Variants in NSUN7 observed in about 807,000 individuals in gnomAD.
The protein encoded by NSUN7 is protein NSUN7.
A neutral mutation model predicts 58.5 loss-of-function variants in NSUN7; 39 were observed. The ratio of observed to expected loss-of-function variants is 0.67; its 90% CI spans 0.52 to 0.87. The LOEUF is 0.87. NSUN7 is among the 40% of genes least tolerant of loss of function. NSUN7 has a pLI of 0.00. For missense variants in NSUN7, 765 were observed against 844.1 expected (o/e 0.91, Z 1.16); for synonymous variants, 278 against 303.7 (o/e 0.92, Z 0.88).
chr4:40,787,734 G>A (rs1229008734), intron 7 of NSUN7, among the ~76,000 whole-genome samples: 1 of 152,180 alleles, frequency 6.6e-6, no homozygotes, highest in African/African-American at 2.4e-5. Context: ...ACAGAATTCT[G>A]CAAATAATTT....
At chr4:40,776,811 T>C (rs531646260) in intron 7 of NSUN7, among the ~76,000 whole-genome samples, 1 of 152,296 alleles carries the variant, frequency 6.6e-6, no homozygotes, top group East Asian at 1.9e-4. Flanking sequence ...AGCCAAGGTT[T>C]TGCAGTGTTG....
chr4:40,808,326 T>C lies in NSUN7; in HGVS notation c.1544T>C (p.Val515Ala). 6.2e-7 allele frequency: 1 copy of C among 1,613,058 alleles called. No homozygotes were observed. The highest frequency in any genetic ancestry group is 8.5e-7 in the Non-Finnish European group (1 of 1,179,330). The change falls in exon 12 of 12, where the codon GTG becomes GCG. Residue 515 changes from valine (V) to alanine (A), a missense_variant. By Grantham distance (64) the Val-to-Ala change is moderately conservative (BLOSUM62 0). Transcript: ENST00000381782. ...LTRERDPSET[V>A]SVNDVLARAA... is the part of the protein sequence containing the mutation. ...TTGCAGCGGGACCCTTCTGAGACAGTGTCTGTGAATGATGTTTTGGCCCGA... is the reference window on the plus strand; with the variant it reads ...TTGCAGCGGGACCCTTCTGAGACAGCGTCTGTGAATGATGTTTTGGCCCGA...
intron 2 of NSUN7, among the ~76,000 whole-genome samples, chr4:40,757,902 T>TTTTGTTTGTTTG (rs71198603): frequency 0.14 from 21,351 of 148,498 alleles, 1,743 homozygotes; most frequent in Non-Finnish European, 0.19. Flanking sequence ...CTATTCCTGT[T>TTTTGTTTGTTTG]TTTGTTTGTT....
chr4:40,785,641 G>T lies in NSUN7; in HGVS notation c.1037-4961G>T, dbSNP rs373117501. On this transcript the variant is annotated intron_variant, in intron 7 of 11. Transcript: ENST00000381782. ...CTCCCAAAGTGCTGGGATTACAGGC[G>T]TGAGCCACCATGCCCAGCCACACTT... Among the ~76,000 whole-genome samples, 423 of 151,412 alleles carry T rather than the reference G, an allele frequency of 2.8e-3. 3 individuals are homozygous for T. Among genetic ancestry groups the T allele is most frequent in the African/African-American group, 9.6e-3 (395 of 41,174 alleles).
chr4:40,787,804 A>G (rs1742900042), intron 7 of NSUN7, among the ~76,000 whole-genome samples: 1 of 152,186 alleles, frequency 6.6e-6, no homozygotes, highest in African/African-American at 2.4e-5. Flanking sequence ...AGTTCATTTT[A>G]TAATGTCGAT....
At chr4:40,802,518 A>C (rs1434908947) in intron 10 of NSUN7, among the ~76,000 whole-genome samples, 2 of 152,140 alleles carry the variant, frequency 1.3e-5, no homozygotes, top group African/African-American at 4.8e-5. Context: ...GTCTGGAGGG[A>C]CACTTGGAGA....
chr4:40,775,990 A>G lies in NSUN7; in HGVS notation c.826-59A>G. Reference sequence around the variant, plus strand: ...CTTTCTTTTATGTAAAGCAAATAGAAGTCAGCTTATATTTCTAGCCATACC... The same window carrying G: ...CTTTCTTTTATGTAAAGCAAATAGAGGTCAGCTTATATTTCTAGCCATACC... On this transcript the variant is annotated intron_variant, in intron 6 of 11. Coordinates refer to ENST00000381782, the MANE Select transcript of NSUN7 (RefSeq NM_024677.6). The surrounding 1 kb of genome is among the most constrained non-coding windows in gnomAD (Gnocchi z 4.3). The G allele has an allele frequency of 1.8e-6, 2 of 1,081,926 alleles. No individual in the cohort carries two copies. The highest frequency in any genetic ancestry group is 2.7e-6 in the Non-Finnish European group (2 of 750,434). The allele number at this position is 1,081,926 out of a possible 1,614,324, so 67.0% of individuals were successfully genotyped here.
chr4:40,761,307 C>T lies in NSUN7; in HGVS notation c.488+6C>T, dbSNP rs369186461. The T allele has an allele frequency of 1.5e-4, 245 of 1,597,114 alleles. 2 individuals are homozygous for T. Among genetic ancestry groups the T allele is most frequent in the South Asian group, 1.3e-3 (112 of 88,430 alleles). ...GTAGAGAACCTTCTTAACAGGTAAT[C>T]GTAAAAGTGAAAAGAATGTTTTATA... On this transcript the variant is annotated splice_donor_region_variant and intron_variant, in intron 4 of 11. Transcript: ENST00000381782.
At chr4:40,754,182 C>T (rs1340020588) in intron 2 of NSUN7, among the ~76,000 whole-genome samples, 1 of 145,780 alleles carries the variant, frequency 6.9e-6, no homozygotes, top group African/African-American at 2.6e-5. Context: ...CTTGCTCTGT[C>T]ACCCACGCTG....
At chr4:40,769,899 AT>A (rs1339685111) in intron 4 of NSUN7, among the ~76,000 whole-genome samples, 1 of 152,216 alleles carries the variant, frequency 6.6e-6, no homozygotes, top group Non-Finnish European at 1.5e-5. Flanking sequence ...ATTGAAGATT[AT>A]CTTTTGGCAT....
At position 40,810,578 on chromosome 4, in the gene NSUN7, A is replaced by T. The variant is rs1305742980; in HGVS notation, c.*1639A>T. On this transcript the variant is annotated 3_prime_UTR_variant, in exon 12 of 12. Coordinates refer to ENST00000381782, the MANE Select transcript of NSUN7 (RefSeq NM_024677.6). ...GGGAAGCAGAGTGAGACCTTGCCTCAAAAAAAAAAAAAAAAAAAAAAAAGT... is the reference window on the plus strand; with the variant it reads ...GGGAAGCAGAGTGAGACCTTGCCTCTAAAAAAAAAAAAAAAAAAAAAAAGT... The T allele has an allele frequency of 3.6e-5, 1 of 27,960 alleles. No homozygotes were observed. The highest frequency in any genetic ancestry group is 3.1e-4 in the East Asian group (1 of 3,270). The allele number at this position is 27,960 out of a possible 1,614,324, so 1.7% of individuals were successfully genotyped here.
intron 2 of NSUN7, among the ~76,000 whole-genome samples, chr4:40,755,992 G>A (rs534885932): frequency 1.3e-5 from 2 of 152,208 alleles, no homozygotes; most frequent in African/African-American, 4.8e-5. Context: ...GGTCAGTTTT[G>A]TAGACAAGGT....
At chr4:40,807,297 C>T (rs1743846604) in intron 11 of NSUN7, 113 bp downstream of exon 11, 1 of 950,028 alleles carries the variant, frequency 1.1e-6, no homozygotes, top group Non-Finnish European at 1.5e-6. Flanking sequence ...TTGCATTTCA[C>T]AAACACATTT....
At chr4:40,770,236 G>T (rs1004397174) in intron 4 of NSUN7, among the ~76,000 whole-genome samples, 1 of 149,034 alleles carries the variant, frequency 6.7e-6, no homozygotes, top group Admixed American at 6.7e-5. Flanking sequence ...AAAAGAAATT[G>T]CAATCAAGTG....
Position 40,794,483 on chromosome 4 carries a change from T to C in NSUN7, c.1282+7T>C, listed in dbSNP as rs1577579457. On this transcript the variant is annotated splice_region_variant and intron_variant, in intron 9 of 11. Coordinates refer to ENST00000381782, the MANE Select transcript of NSUN7 (RefSeq NM_024677.6). ...CTAACACATGCAATGAAATGTAAGG[T>C]TGTCATAGGCACCATCTTGTTAAAA... 6.5e-7 allele frequency: 1 copy of C among 1,532,594 alleles called. No homozygotes were observed. Among genetic ancestry groups the C allele is most frequent in the East Asian group, 2.3e-5 (1 of 44,216 alleles). The allele number at this position is 1,532,594 out of a possible 1,614,324, so 94.9% of individuals were successfully genotyped here.
At chr4:40,761,372 C>G in intron 4 of NSUN7, 71 bp downstream of exon 4, 1 of 1,207,924 alleles carries the variant, frequency 8.3e-7, no homozygotes, top group South Asian at 1.3e-5. Flanking sequence ...AAATTACATA[C>G]AGTATAATGT....
chr4:40,776,819 T>C (rs1199503372), intron 7 of NSUN7, among the ~76,000 whole-genome samples: 2 of 152,122 alleles, frequency 1.3e-5, no homozygotes, highest in Non-Finnish European at 2.9e-5. Context: ...TTTTGCAGTG[T>C]TGCTCAAGCT....
chr4:40,776,332 T>C (rs1416903307), intron 7 of NSUN7, 73 bp downstream of exon 7: 1 of 1,076,956 alleles, frequency 9.3e-7, no homozygotes, highest in Non-Finnish European at 1.3e-6. Context: ...AGTTTTAATT[T>C]ATTAGTTTTT....
At chr4:40,774,542 T>G in intron 5 of NSUN7, 125 bp downstream of exon 5, 1 of 950,656 alleles carries the variant, frequency 1.1e-6, no homozygotes, top group South Asian at 1.6e-5. Flanking sequence ...GGAATCAGAG[T>G]TAAGTTCCAG....
Sources: allele counts gnomAD v4.1 joint callset (sites outside exome capture counted in the v4.1 genomes callset), GRCh38; gene constraint gnomAD v4.1.1; non-coding constraint Gnocchi (gnomAD v3.1); transcripts MANE v1.5; gene names NCBI Gene and HGNC (gene_info 2026-07-23, HGNC 2026-07-21).